SEC16A: variants seen among roughly 807,000 people sequenced by gnomAD.
SEC16A encodes the protein protein transport protein Sec16A.
SEC16A carries 110 observed loss-of-function variants against 221.9 expected under a neutral mutation model. The ratio of observed to expected loss-of-function variants is 0.50; its 90% CI spans 0.42 to 0.58. The LOEUF (loss-of-function observed/expected upper bound fraction) is 0.58. Ranked by LOEUF, SEC16A falls within the 20% of genes least tolerant of loss-of-function variation. The probability of loss-of-function intolerance (pLI) is 0.00; values close to 1 mark genes in which losing one functional copy is unlikely to be tolerated. For missense variants in SEC16A, 3,165 were observed against 3,097.8 expected (o/e 1.02, Z -0.52); for synonymous variants, 1,393 against 1,257.7 (o/e 1.11, Z -2.28).
chr9:136,454,142 G>A lies in SEC16A; in HGVS notation c.6043C>T (p.His2015Tyr), dbSNP rs1427009497. ...PGVPPLQERRHLLQEARSPDP... is the reference protein window; with the variant it reads ...PGVPPLQERRYLLQEARSPDP... ...GGGCTCCTGGCTTCCTGGAGCAAGT[G>A]TCTCCTTTCCTGCAGAGGTGGCACA... The change falls in exon 21 of 32, where the codon CAC (histidine) becomes TAC (tyrosine). Residue 2015 changes from histidine to tyrosine, a missense_variant. Coordinates refer to ENST00000684901, the MANE Select transcript of SEC16A (RefSeq NM_014866.2). The A allele has an allele frequency of 3.2e-6, 5 of 1,553,800 alleles. No homozygotes were observed. The highest frequency in any genetic ancestry group is 4.4e-6 in the Non-Finnish European group (5 of 1,148,462).
intron 23 of SEC16A, 120 bp from the exon 24 acceptor site, chr9:136,448,281 AG>A: frequency 1.3e-6 from 1 of 792,566 alleles, no homozygotes; most frequent in South Asian, 1.4e-5. Context: ...CCAGATCCAC[AG>A]AGACACCAGG....
intron 18 of SEC16A, among the ~76,000 whole-genome samples, chr9:136,456,748 A>G (rs1422091942): frequency 1.3e-5 from 2 of 152,344 alleles, no homozygotes; most frequent in African/African-American, 4.8e-5. Flanking sequence ...TACTCTCGTC[A>G]GTCATGCCGC....
chr9:136,458,499 G>A (rs1195141019), intron 17 of SEC16A, among the ~76,000 whole-genome samples: 1 of 151,972 alleles, frequency 6.6e-6, no homozygotes, highest in Non-Finnish European at 1.5e-5. Flanking sequence ...GTGGTCGTGG[G>A]TGCCTGTAGT....
Position 136,463,051 on chromosome 9 carries a change from C to T in SEC16A, c.4729G>A (p.Ala1577Thr), listed in dbSNP as rs779303361. The change falls in exon 12 of 32, where the codon GCA becomes ACA. Residue 1577 changes from alanine to threonine, a missense_variant. By Grantham distance (58) the Ala-to-Thr change is moderately conservative. Transcript: ENST00000684901. ...VWLPGKSPNE[A>T]NLIDFTNEAV... ...TCATTCGTGAAATCAATCAGGTTTG[C>T]TTCATTGGGCGACTTCCCAGGAAGC... is the stretch of plus-strand genomic sequence containing the variant. The T allele has an allele frequency of 2.5e-6, 4 of 1,612,722 alleles. No homozygotes were observed. The East Asian group carries it at 8.9e-5, about 36-fold the overall frequency.
intron 12 of SEC16A, among the ~76,000 whole-genome samples, chr9:136,461,679 C>T (rs1839500806): frequency 6.6e-6 from 1 of 152,232 alleles, no homozygotes; most frequent in African/African-American, 2.4e-5. Flanking sequence ...GGCAGCCTCC[C>T]CTTTCACCAA....
rs1369490340 is a variant in SEC16A, at chr9:136,440,471, T to C, written c.*1284A>G. 6.6e-6 allele frequency: 1 copy of C among 152,628 alleles called. No individual in the cohort carries two copies. Among genetic ancestry groups the C allele is most frequent in the Non-Finnish European group, 1.5e-5 (1 of 68,050 alleles). The allele number at this position is 152,628 out of a possible 1,614,324, so 9.5% of individuals were successfully genotyped here. On this transcript the variant is annotated 3_prime_UTR_variant, in exon 32 of 32. Coordinates refer to ENST00000684901, the MANE Select transcript of SEC16A (RefSeq NM_014866.2). ...CATTCTACAATTTCTACACTTAAAT[T>C]TAAAACACCAAACAGTTTGTATTCC... is the stretch of plus-strand genomic sequence containing the variant.
chr9:136,484,390 T>C, upstream of SEC16A: 1 of 1,192,724 alleles, frequency 8.4e-7, no homozygotes, highest in South Asian at 1.5e-5. Context: ...CACTATCCTC[T>C]GTGCCCTCAT....
In SEC16A at chr9:136,476,042, T is replaced by C. The variant is rs766608538; in HGVS notation, c.1574A>G (p.Tyr525Cys). The change falls in exon 3 of 32, where the codon TAT becomes TGT. Residue 525 changes from tyrosine to cysteine, a missense_variant. Physicochemically the swap from Tyr to Cys is radical, Grantham distance 194 (BLOSUM62 -2). Coordinates refer to ENST00000684901, the MANE Select transcript of SEC16A (RefSeq NM_014866.2). Reference sequence around the variant, plus strand: ...GAGCCTTCCGTGGCTTCTGCTGCTATAGCTGGATGACACGCTGTCAGGGTG... The same window carrying C: ...GAGCCTTCCGTGGCTTCTGCTGCTACAGCTGGATGACACGCTGTCAGGGTG... ...TVHPDSVSSSYSSRSHGRLSG... is the reference protein window; with the variant it reads ...TVHPDSVSSSCSSRSHGRLSG... The C allele has an allele frequency of 1.9e-6, 3 of 1,613,438 alleles. No individual in the cohort carries two copies. The highest frequency in any genetic ancestry group is 1.7e-6 in the Non-Finnish European group (2 of 1,179,842).
Position 136,440,496 on chromosome 9 carries a change from C to T in SEC16A, c.*1259G>A, listed in dbSNP as rs1836073259. 6.6e-6 allele frequency: 1 copy of T among 152,668 alleles called. No homozygotes were observed. The highest frequency in any genetic ancestry group is 2.1e-4 in the South Asian group (1 of 4,838). The allele number at this position is 152,668 out of a possible 1,614,324, so 9.5% of individuals were successfully genotyped here. ...TTAAAACACCAAACAGTTTGTATTC[C>T]TCCAGCAGAACCTACAGAAATTATC... On this transcript the variant is annotated 3_prime_UTR_variant, in exon 32 of 32. Coordinates refer to ENST00000684901, the MANE Select transcript of SEC16A (RefSeq NM_014866.2).
Position 136,459,131 on chromosome 9 carries a change from T to C in SEC16A, c.5409+3A>G. On this transcript the variant is annotated splice_donor_region_variant and intron_variant, in intron 17 of 31. Coordinates refer to ENST00000684901, the MANE Select transcript of SEC16A (RefSeq NM_014866.2). The surrounding 1 kb of genome is among the most constrained non-coding windows in gnomAD (Gnocchi z 6.1). ...CAGCTGCAGGCTGGCAGCACCTGCT[T>C]ACCTGGAAACTAGGCAGGGGGCAGG... The C allele has an allele frequency of 6.2e-7, 1 of 1,604,468 alleles. No individual in the cohort carries two copies. The highest frequency in any genetic ancestry group is 8.5e-7 in the Non-Finnish European group (1 of 1,173,484).
At chr9:136,448,738 G>A in intron 23 of SEC16A, 1 of 704,388 alleles carries the variant, frequency 1.4e-6, no homozygotes, top group South Asian at 1.5e-5. Flanking sequence ...GACACCAGGA[G>A]GATGGAGGTG....
At chr9:136,470,074 A>G (rs1391208309) in intron 4 of SEC16A, among the ~76,000 whole-genome samples, 1 of 152,240 alleles carries the variant, frequency 6.6e-6, no homozygotes, top group African/African-American at 2.4e-5. Flanking sequence ...ATCTGACCAC[A>G]CCAGGCCCAG....
intron 8 of SEC16A, among the ~76,000 whole-genome samples, chr9:136,465,214 A>G (rs1839991568): frequency 6.6e-6 from 1 of 152,190 alleles, no homozygotes; most frequent in Admixed American, 6.5e-5. Context: ...ATTTTGGGAG[A>G]CCGAGGAGGA....
intron 5 of SEC16A, 64 bp downstream of exon 5, chr9:136,468,351 T>C: frequency 2.0e-6 from 2 of 986,252 alleles, no homozygotes; most frequent in South Asian, 2.7e-5. Context: ...CAGGGCTGCA[T>C]GTCATCAGTG....
In SEC16A at chr9:136,464,484, A is replaced by G. The variant is rs1464767541; in HGVS notation, c.4382T>C (p.Ile1461Thr). The change falls in exon 9 of 32, where the codon ATC becomes ACC. Residue 1461 changes from isoleucine (I) to threonine (T), a missense_variant. Transcript: ENST00000684901. ...CARFGPGGQL[I>T]KVIPNLPSEG... ...TGAAGGCAGATTGGGAATCACTTTG[A>G]TAAGCTGACCGCCAGGGCCAAACCT... 1 of 1,613,038 alleles carries G rather than the reference A, an allele frequency of 6.2e-7. No homozygotes were observed. The highest frequency in any genetic ancestry group is 1.7e-5 in the Admixed American group (1 of 60,022).
chr9:136,461,550 T>C (rs4880096), intron 12 of SEC16A, among the ~76,000 whole-genome samples: 152,380 of 152,380 alleles, frequency 1, 76,190 homozygotes, highest in Non-Finnish European at 1. Context: ...ACAGGGCTAA[T>C]CACGCAGCGC....
Position 136,440,313 on chromosome 9 carries a change from G to A in SEC16A, c.*1442C>T, listed in dbSNP as rs1200939401. On this transcript the variant is annotated 3_prime_UTR_variant, in exon 32 of 32. Coordinates refer to ENST00000684901, the MANE Select transcript of SEC16A (RefSeq NM_014866.2). ...GAGGGCTGCCCCGTCACAGGGACTG[G>A]CCTTTCTCCAAGTGACAAGGACAAA... is the stretch of plus-strand genomic sequence containing the variant. 1 of 152,476 alleles carries A rather than the reference G, an allele frequency of 6.6e-6. No individual in the cohort carries two copies. The highest frequency in any genetic ancestry group is 1.9e-4 in the East Asian group (1 of 5,298). The allele number at this position is 152,476 out of a possible 1,614,324, so 9.4% of individuals were successfully genotyped here.
Position 136,476,610 on chromosome 9 carries a change from G to C in SEC16A, c.1006C>G (p.Pro336Ala). The C allele has an allele frequency of 6.3e-7, 1 of 1,595,874 alleles. No individual in the cohort carries two copies. The highest frequency in any genetic ancestry group is 8.6e-7 in the Non-Finnish European group (1 of 1,168,860). The change falls in exon 3 of 32, where the codon CCC becomes GCC. Residue 336 changes from proline (P) to alanine (A), a missense_variant. Physicochemically the swap from Pro to Ala is conservative, Grantham distance 27 (BLOSUM62 -1). Transcript: ENST00000684901. ...TCTGGGCTATCTCCCCGGGCGAGGG[G>C]GTTCACAAGAGCAGAGGCGGGCCGG... ...EHRPASALVNPLARGDSPENR... is the reference protein window; with the variant it reads ...EHRPASALVNALARGDSPENR...
At chr9:136,465,783 C>A (rs149072649) in intron 8 of SEC16A, among the ~76,000 whole-genome samples, 179 bp downstream of exon 8, 6 of 152,168 alleles carry the variant, frequency 3.9e-5, no homozygotes, top group Admixed American at 2.6e-4. Flanking sequence ...AAACTGCAAT[C>A]GAAGAGACAG....
Sources: allele counts gnomAD v4.1 joint callset (sites outside exome capture counted in the v4.1 genomes callset), GRCh38; gene constraint gnomAD v4.1.1; non-coding constraint Gnocchi (gnomAD v3.1); transcripts MANE v1.5; gene names NCBI Gene and HGNC (gene_info 2026-07-23, HGNC 2026-07-21).